The following PKNOX2 variants were observed in gnomAD, a reference collection of about 807,000 sequenced individuals.
PKNOX2 encodes homeobox protein PKNOX2.
A neutral mutation model predicts 53.1 loss-of-function variants in PKNOX2; 14 were observed. The observed-to-expected ratio is 0.26, with a 90% CI of 0.17 to 0.41. PKNOX2 has a LOEUF of 0.41. PKNOX2 is among the 10% of genes least tolerant of loss of function. The pLI, the probability that PKNOX2 is intolerant of heterozygous loss-of-function variation, is 1.00. For missense variants in PKNOX2, 496 were observed against 602.8 expected (o/e 0.82, Z 1.85); for synonymous variants, 257 against 242.8 (o/e 1.06, Z -0.54).
intron 7 of PKNOX2, among the ~76,000 whole-genome samples, chr11:125,409,149 C>T (rs567288858): frequency 8.5e-5 from 13 of 152,180 alleles, no homozygotes; most frequent in African/African-American, 2.6e-4. Context: ...TTTTCTTCTC[C>T]GAACCTAGAG....
At chr11:125,222,640 T>C (rs1941283994) in intron 1 of PKNOX2, among the ~76,000 whole-genome samples, 1 of 144,292 alleles carries the variant, frequency 6.9e-6, no homozygotes, top group African/African-American at 2.9e-5. Context: ...TGTGTATGTG[T>C]GTGCGTATGT....
intron 2 of PKNOX2, 91 bp downstream of exon 2, chr11:125,235,206 T>C (rs944756819): frequency 1.4e-4 from 22 of 152,658 alleles, no homozygotes; most frequent in African/African-American, 5.3e-4. Flanking sequence ...CAGCCATGCA[T>C]TGTGCAAGAG....
intron 2 of PKNOX2, among the ~76,000 whole-genome samples, chr11:125,289,264 C>T (rs1947143554): frequency 6.6e-6 from 1 of 152,228 alleles, no homozygotes; most frequent in Non-Finnish European, 1.5e-5. Context: ...TGAGCCTCCC[C>T]TCATGACTGA....
At chr11:125,343,543 G>T (rs1475571350) in intron 3 of PKNOX2, among the ~76,000 whole-genome samples, 1 of 152,158 alleles carries the variant, frequency 6.6e-6, no homozygotes, top group Non-Finnish European at 1.5e-5. Flanking sequence ...GCTATTTATG[G>T]GATTGATTCT....
chr11:125,252,056 C>T (rs1439729328), intron 2 of PKNOX2, among the ~76,000 whole-genome samples: 1 of 152,096 alleles, frequency 6.6e-6, no homozygotes, highest in Non-Finnish European at 1.5e-5. Flanking sequence ...ACCTCTAGCA[C>T]AATATGTTAA....
At chr11:125,276,158 C>A (rs1329871562) in intron 2 of PKNOX2, among the ~76,000 whole-genome samples, 1 of 152,154 alleles carries the variant, frequency 6.6e-6, no homozygotes, top group African/African-American at 2.4e-5. Flanking sequence ...TGACCATTTA[C>A]TTTGGCAAGA....
At position 125,343,850 on chromosome 11, in the gene PKNOX2, A is replaced by T. The variant is rs192656381; in HGVS notation, c.-22-7434A>T. On this transcript the variant is annotated intron_variant, in intron 3 of 12. Transcript: ENST00000298282. ...CTGCTCCGTGTTGTGAAGCCCAGTT[A>T]AAAAAAATAGCTGAACTGGGGACTC... 2.7e-4 allele frequency among the ~76,000 whole-genome samples: 41 copies of T among 151,854 alleles called. 1 individual carries two copies. In the East Asian group the frequency reaches 7.6e-3, roughly 28 times the overall value.
Position 125,223,482 on chromosome 11 carries a change from G to A in PKNOX2, c.-200-11563G>A, listed in dbSNP as rs137873901. 2.8e-3 allele frequency among the ~76,000 whole-genome samples: 430 copies of A among 152,122 alleles called. 1 individual carries two copies. The highest frequency in any genetic ancestry group is 9.6e-3 in the African/African-American group (397 of 41,498). Reference sequence around the variant, plus strand: ...TGGACTCAAGTGATTCACCTGCCTCGGCCTCCCAAAGTCTTGGGATTACAG... The same window carrying A: ...TGGACTCAAGTGATTCACCTGCCTCAGCCTCCCAAAGTCTTGGGATTACAG... On this transcript the variant is annotated intron_variant, in intron 1 of 12. Transcript: ENST00000298282.
intron 1 of PKNOX2, among the ~76,000 whole-genome samples, chr11:125,194,490 T>A (rs1957068576): frequency 6.6e-6 from 1 of 151,736 alleles, no homozygotes; most frequent in African/African-American, 2.4e-5. Context: ...AGGAGGGTCC[T>A]CACCCTGTGT....
chr11:125,310,315 T>G (rs1383107725), intron 2 of PKNOX2, among the ~76,000 whole-genome samples: 1 of 151,892 alleles, frequency 6.6e-6, no homozygotes, highest in Non-Finnish European at 1.5e-5. Flanking sequence ...AGCAACATGG[T>G]GAAACCACAT....
chr11:125,222,727 ATGTGTG>A (rs746914950), intron 1 of PKNOX2, among the ~76,000 whole-genome samples: 1 of 121,850 alleles, frequency 8.2e-6, no homozygotes, highest in African/African-American at 3.3e-5. Context: ...GTGTGTGTGT[ATGTGTG>A]TGTGTCTGTG....
intron 2 of PKNOX2, among the ~76,000 whole-genome samples, chr11:125,324,142 C>A (rs921895281): frequency 2.6e-5 from 4 of 152,102 alleles, no homozygotes; most frequent in African/African-American, 9.7e-5. Flanking sequence ...CCAAGAGAGG[C>A]AGAACAGAAG....
chr11:125,291,842 T>C (rs1046184688), intron 2 of PKNOX2, among the ~76,000 whole-genome samples: 2 of 152,250 alleles, frequency 1.3e-5, no homozygotes, highest in African/African-American at 4.8e-5. Context: ...ATTCCACTTA[T>C]ATGAAATATC....
At chr11:125,193,469 T>C (rs1019328206) in intron 1 of PKNOX2, among the ~76,000 whole-genome samples, 1 of 152,216 alleles carries the variant, frequency 6.6e-6, no homozygotes, top group Admixed American at 6.5e-5. Flanking sequence ...GAGCCTTCTG[T>C]CCGTGCCAGT....
At chr11:125,317,314 G>T (rs1262127700) in intron 2 of PKNOX2, among the ~76,000 whole-genome samples, 1 of 152,154 alleles carries the variant, frequency 6.6e-6, no homozygotes, top group Non-Finnish European at 1.5e-5. Context: ...CTCCTCCCAT[G>T]AATCATGAAT....
chr11:125,340,879 A>G (rs543740527), intron 3 of PKNOX2, among the ~76,000 whole-genome samples: 4 of 151,602 alleles, frequency 2.6e-5, no homozygotes, highest in African/African-American at 7.3e-5. Flanking sequence ...GTGAAACTCC[A>G]TCTCTACTAA....
At chr11:125,380,968 T>C (rs1164680860) in intron 5 of PKNOX2, among the ~76,000 whole-genome samples, 2 of 151,654 alleles carry the variant, frequency 1.3e-5, no homozygotes, top group Non-Finnish European at 2.9e-5. Flanking sequence ...GAAGGGGAGG[T>C]GACTCTCCCA....
intron 5 of PKNOX2, among the ~76,000 whole-genome samples, chr11:125,378,603 C>A (rs1444226571): frequency 6.6e-6 from 1 of 152,192 alleles, no homozygotes; most frequent in Non-Finnish European, 1.5e-5. Context: ...CAAGGTCAGT[C>A]ACAGGAAAGG....
chr11:125,421,957 C>T (rs918449751), intron 10 of PKNOX2, among the ~76,000 whole-genome samples: 1 of 152,122 alleles, frequency 6.6e-6, no homozygotes, highest in Non-Finnish European at 1.5e-5. Flanking sequence ...ACCCTGAGAG[C>T]TCTGTGTAAT....
Sources: allele counts gnomAD v4.1 joint callset (sites outside exome capture counted in the v4.1 genomes callset), GRCh38; gene constraint gnomAD v4.1.1; transcripts MANE v1.5; gene names NCBI Gene and HGNC (gene_info 2026-07-23, HGNC 2026-07-21).